The following NEGR1 variants were observed in gnomAD, a reference collection of about 807,000 sequenced individuals.
NEGR1 encodes the protein IgLON family member 4.
NEGR1 carries 10 observed loss-of-function variants against 40.9 expected under a neutral mutation model. The ratio of observed to expected loss-of-function variants is 0.24; its 90% CI spans 0.15 to 0.42. NEGR1 has a LOEUF of 0.42. Ranked by LOEUF, NEGR1 falls within the 10% of genes least tolerant of loss-of-function variation. The pLI is 1.00. For missense variants in NEGR1, 352 were observed against 438.9 expected (o/e 0.80, Z 1.77); for synonymous variants, 185 against 166.8 (o/e 1.11, Z -0.84).
intron 6 of NEGR1, chr1:71,408,822 A>G (rs1460142008): frequency 6.6e-6 from 1 of 152,028 alleles, no homozygotes; most frequent in African/African-American, 2.4e-5. Context: ...CAAATCCAGG[A>G]GCAGGTTTAG....
At chr1:72,164,082 C>A (rs1026454303) in intron 1 of NEGR1, among the ~76,000 whole-genome samples, 3 of 151,508 alleles carry the variant, frequency 2.0e-5, no homozygotes, top group Non-Finnish European at 4.4e-5. Context: ...AGGCTTCCAT[C>A]AGTAAGTTTT....
intron 6 of NEGR1, among the ~76,000 whole-genome samples, chr1:71,504,558 C>T (rs576321484): frequency 2.0e-5 from 3 of 152,250 alleles, no homozygotes; most frequent in African/African-American, 7.2e-5. Context: ...CCCTCACAAC[C>T]GTTGAAGACT....
chr1:71,509,906 G>C (rs1016877142), intron 6 of NEGR1, among the ~76,000 whole-genome samples: 1 of 152,194 alleles, frequency 6.6e-6, no homozygotes, highest in African/African-American at 2.4e-5. Context: ...TGGGAAACAG[G>C]CTTGTGCTAG....
At chr1:71,503,422 A>G (rs1015876778) in intron 6 of NEGR1, among the ~76,000 whole-genome samples, 1 of 152,110 alleles carries the variant, frequency 6.6e-6, no homozygotes, top group African/African-American at 2.4e-5. Flanking sequence ...CCCTCCATAC[A>G]TCTCACAAAA....
At chr1:71,695,599 C>G (rs1293825174) in intron 4 of NEGR1, among the ~76,000 whole-genome samples, 1 of 151,642 alleles carries the variant, frequency 6.6e-6, no homozygotes, top group Non-Finnish European at 1.5e-5. Context: ...TGTCTGACAC[C>G]CTGACAAAGC....
chr1:72,124,453 A>C lies in NEGR1; in HGVS notation c.176+157866T>G, dbSNP rs890859024. Among the ~76,000 whole-genome samples, 4 of 152,054 alleles carry C rather than the reference A, an allele frequency of 2.6e-5. No homozygotes were observed. In the South Asian group the frequency reaches 8.3e-4, roughly 31 times the overall value. Reference sequence around the variant, plus strand: ...GGGCAGAAAAAATATACAAGGCAACAGAACAGCCAAACAATGACAGCAACA... The same window carrying C: ...GGGCAGAAAAAATATACAAGGCAACCGAACAGCCAAACAATGACAGCAACA... On this transcript the variant is annotated intron_variant, in intron 1 of 6. Transcript: ENST00000357731.
chr1:71,954,948 T>C (rs1449707346), intron 1 of NEGR1, among the ~76,000 whole-genome samples: 2 of 152,178 alleles, frequency 1.3e-5, no homozygotes, highest in African/African-American at 4.8e-5. Flanking sequence ...AAGTAATTTA[T>C]AGAGTTAATG....
intron 6 of NEGR1, among the ~76,000 whole-genome samples, chr1:71,444,323 A>G (rs2101317817): frequency 6.6e-6 from 1 of 152,274 alleles, no homozygotes; most frequent in Non-Finnish European, 1.5e-5. Context: ...CCCACATTAG[A>G]ATGCAAATGC....
intron 2 of NEGR1, among the ~76,000 whole-genome samples, chr1:71,791,432 G>A (rs376716757): frequency 2.6e-5 from 4 of 151,852 alleles, no homozygotes; most frequent in African/African-American, 7.3e-5. Flanking sequence ...CAATCTGAAC[G>A]TGGCCACAGT....
chr1:71,761,782 T>A (rs1655950284), intron 3 of NEGR1, among the ~76,000 whole-genome samples: 1 of 152,018 alleles, frequency 6.6e-6, no homozygotes, highest in South Asian at 2.1e-4. Context: ...CAGTCTTCAG[T>A]TGAACTGCCA....
At chr1:71,541,508 G>A (rs2101457627) in intron 6 of NEGR1, among the ~76,000 whole-genome samples, 1 of 151,864 alleles carries the variant, frequency 6.6e-6, no homozygotes, top group Admixed American at 6.6e-5. Context: ...AAGTCGACCT[G>A]CTGAGCAGCA....
At chr1:71,970,379 T>C (rs1557461446) in intron 1 of NEGR1, among the ~76,000 whole-genome samples, 1 of 152,132 alleles carries the variant, frequency 6.6e-6, no homozygotes. Flanking sequence ...AATGCATATT[T>C]TGTGTTTTAG....
At chr1:71,796,523 G>A (rs756729256) in intron 2 of NEGR1, among the ~76,000 whole-genome samples, 21 of 152,150 alleles carry the variant, frequency 1.4e-4, no homozygotes, top group Non-Finnish European at 3.1e-4. Flanking sequence ...AGGCTCAAGC[G>A]AGCTGGATGC....
chr1:71,571,804 A>AT (rs1648819295), intron 6 of NEGR1, among the ~76,000 whole-genome samples: 1 of 151,758 alleles, frequency 6.6e-6, no homozygotes, highest in Non-Finnish European at 1.5e-5. Flanking sequence ...AAAAAAAAAA[A>AT]AAAAATCTGA....
chr1:71,590,317 T>C (rs1649457387), intron 6 of NEGR1, among the ~76,000 whole-genome samples: 1 of 152,122 alleles, frequency 6.6e-6, no homozygotes, highest in Admixed American at 6.6e-5. Flanking sequence ...GATAGTGGTA[T>C]TGGCTACTCT....
Position 71,779,586 on chromosome 1 carries a change from G to A in NEGR1, c.410-3289C>T, listed in dbSNP as rs557961903. On this transcript the variant is annotated intron_variant, in intron 2 of 6. Transcript: ENST00000357731. Reference sequence around the variant, plus strand: ...AAAAACTTTTTTTTTTTCTTTTTTTGACAGAGTCTCTCGCTCTGTCTCCCA... The same window carrying A: ...AAAAACTTTTTTTTTTTCTTTTTTTAACAGAGTCTCTCGCTCTGTCTCCCA... 5.4e-5 allele frequency among the ~76,000 whole-genome samples: 8 copies of A among 148,690 alleles called. No individual in the cohort carries two copies. The South Asian group carries it at 8.5e-4, about 16-fold the overall frequency.
At chr1:71,437,192 CATTT>C (rs1479581680) in intron 6 of NEGR1, among the ~76,000 whole-genome samples, 1 of 151,868 alleles carries the variant, frequency 6.6e-6, no homozygotes, top group Non-Finnish European at 1.5e-5. Context: ...CTAATGATTT[CATTT>C]ATATGAAATA....
intron 1 of NEGR1, among the ~76,000 whole-genome samples, chr1:72,230,275 T>C (rs185094173): frequency 2.0e-5 from 3 of 152,280 alleles, no homozygotes; most frequent in East Asian, 1.9e-4. Flanking sequence ...GAAGGTTAGA[T>C]AGAAAAATTA....
intron 3 of NEGR1, among the ~76,000 whole-genome samples, chr1:71,762,079 G>A (rs1199744384): frequency 6.6e-6 from 1 of 151,940 alleles, no homozygotes; most frequent in Admixed American, 6.6e-5. Context: ...TACTTTGCTG[G>A]AACTAGTAAA....
Sources: allele counts gnomAD v4.1 joint callset (sites outside exome capture counted in the v4.1 genomes callset), GRCh38; gene constraint gnomAD v4.1.1; transcripts MANE v1.5; gene names NCBI Gene and HGNC (gene_info 2026-07-23, HGNC 2026-07-21).